Variants in KDM5C observed in about 807,000 individuals in gnomAD.
KDM5C encodes lysine-specific demethylase 5C.
Under a neutral mutation model 110.6 loss-of-function variants are expected in KDM5C, and 16 were observed. That is an observed-to-expected ratio of 0.14 (90% confidence interval 0.10 to 0.22). The LOEUF (loss-of-function observed/expected upper bound fraction) is 0.22. Among genes scored for constraint, KDM5C ranks in the 10% least tolerant of loss-of-function variants. The pLI is 1.00. For missense variants in KDM5C, 681 were observed against 1,300.9 expected (o/e 0.52, Z 7.33); for synonymous variants, 511 against 520.4 (o/e 0.98, Z 0.24).
At position 53,193,846 on chromosome X, in the gene KDM5C, C is replaced by T. The variant is rs781956195; in HGVS notation, c.4044G>A (p.Gln1348=). Reference sequence around the variant, plus strand: ...CACTGTCTCCATTCTCCAGTAAGCCCTGGACCTGCGGAGGAGAGCAAGAAT... The same window carrying T: ...CACTGTCTCCATTCTCCAGTAAGCCTTGGACCTGCGGAGGAGAGCAAGAAT... ...EGSGKDMPKV[Q]GLLENGDSVT... is the part of the protein sequence containing the mutation. The change falls in exon 24 of 26, where the codon CAG becomes CAA. Residue 1348 remains glutamine, a synonymous_variant. Transcript: ENST00000375401. 8.3e-7 allele frequency: 1 copy of T among 1,209,682 alleles called. No homozygotes were observed. The highest frequency in any genetic ancestry group is 2.3e-4 in the Middle Eastern group (1 of 4,350).
chrX:53,211,578 A>G lies in KDM5C; in HGVS notation c.1320T>C (p.Tyr440=), dbSNP rs2146919969. ...ATTCTTTGGAATGGATGTCAGCTCC[A>G]TACTCAACAGTCACATCTTCCTCAA... The part of the protein sequence containing the change: ...NSIEEDVTVE[Y]GADIHSKEFG... Residue 440 remains tyrosine, a synonymous_variant, in exon 10 of 26, where the codon TAT becomes TAC. Coordinates refer to ENST00000375401, the MANE Select transcript of KDM5C (RefSeq NM_004187.5). 1 of 1,211,530 alleles carries G rather than the reference A, an allele frequency of 8.3e-7. No homozygotes were observed. Among genetic ancestry groups the G allele is most frequent in the Non-Finnish European group, 1.1e-6 (1 of 895,174 alleles).
chrX:53,215,218 C>T, intron 7 of KDM5C: 1 of 371,728 alleles, frequency 2.7e-6, no homozygotes, highest in Non-Finnish European at 5.1e-6. Flanking sequence ...GAAGGAAGCA[C>T]TCAAAGCAGC....
At chrX:53,178,840 G>A (rs1933948890) in intron 25 of KDM5C, among the ~76,000 whole-genome samples, 1 of 112,444 alleles carries the variant, frequency 8.9e-6, no homozygotes, top group South Asian at 3.7e-4. Flanking sequence ...GGCTCATCCT[G>A]TAATCCCAGC....
chrX:53,217,357 T>C (rs1432506597), intron 4 of KDM5C, 80 bp from the exon 5 acceptor site: 1 of 1,127,910 alleles, frequency 8.9e-7, no homozygotes, highest in Non-Finnish European at 1.2e-6. Context: ...CCTCACCCAA[T>C]GGCATCCAAA....
At chrX:53,191,251 TCCAACTACTATGGGAC>T (rs1336600069), downstream of KDM5C, 2 of 170,569 alleles carry the variant, frequency 1.2e-5, no homozygotes, top group East Asian at 1.7e-4. Context: ...GAGAGATCTT[TCCAACTACTATGGGAC>T]CATTAATGGG....
chrX:53,208,805 C>T (rs868908135), intron 12 of KDM5C, among the ~76,000 whole-genome samples: 567 of 22,146 alleles, frequency 0.026, 6 homozygotes, highest in Middle Eastern at 0.062. Flanking sequence ...ACACCCGGCT[C>T]TTTTTTTTTT....
chrX:53,213,021 G>T (rs1378570436), intron 8 of KDM5C, among the ~76,000 whole-genome samples: 1 of 111,777 alleles, frequency 8.9e-6, no homozygotes, highest in African/African-American at 3.3e-5. Context: ...AAAGAAAAAA[G>T]AAAGATGGAA....
At position 53,210,273 on chromosome X, in the gene KDM5C, G is replaced by A. The variant is rs925748242; in HGVS notation, c.1746+141C>T. ...ATTATTTTGGGTCTCTACTAGACTA[G>A]TCAAACCCGTAGCCCAATTAAGAAC... On this transcript the variant is annotated intron_variant, in intron 12 of 25. Transcript: ENST00000375401. 24 of 781,363 alleles carry A rather than the reference G, an allele frequency of 3.1e-5. No individual in the cohort carries two copies. The Admixed American group carries it at 6.0e-4, about 20-fold the overall frequency. 64.4% of individuals were successfully genotyped at this position (781,363 alleles called of 1,213,427 possible).
intron 12 of KDM5C, among the ~76,000 whole-genome samples, chrX:53,204,815 A>G (rs782472281): frequency 8.9e-6 from 1 of 111,863 alleles, no homozygotes; most frequent in South Asian, 3.7e-4. Flanking sequence ...TCTTATACAG[A>G]CATGAACCAA....
rs1556834956 is a variant in KDM5C, at chrX:53,194,733, C to T, written c.3444G>A (p.Val1148=). 1 of 1,210,619 alleles carries T rather than the reference C, an allele frequency of 8.3e-7. No individual in the cohort carries two copies. The highest frequency in any genetic ancestry group is 1.1e-6 in the Non-Finnish European group (1 of 895,166). ...QDLRDPGSVI[V]AFKEGEQKEK... is the part of the protein sequence containing the mutation. ...CCTTCTGTTCCCCCTCCTTGAAGGC[C>T]ACGATCTGCCATACCCAGGACAGGA... The change falls in exon 23 of 26, where the codon GTG becomes GTA. Residue 1148 remains valine, a synonymous_variant. Coordinates refer to ENST00000375401, the MANE Select transcript of KDM5C (RefSeq NM_004187.5).
intron 1 of KDM5C, among the ~76,000 whole-genome samples, chrX:53,224,244 G>A (rs1556855901): frequency 8.9e-6 from 1 of 111,981 alleles, no homozygotes; most frequent in Admixed American, 9.4e-5. Context: ...CGGGCTCAGA[G>A]AGATTACTTC....
Position 53,193,475 on chromosome X carries a change from G to C in KDM5C, c.4279C>G (p.Gln1427Glu), listed in dbSNP as rs1934576715. 8.3e-7 allele frequency: 1 copy of C among 1,210,124 alleles called. No individual in the cohort carries two copies. Among genetic ancestry groups the C allele is most frequent in the African/African-American group, 1.7e-5 (1 of 57,171 alleles). ...CGGATCCTCTCCAGGTCTGGGGGCTGTCCAGCCTGCAGCAGCTGCCATATG... is the reference window on the plus strand; with the variant it reads ...CGGATCCTCTCCAGGTCTGGGGGCTCTCCAGCCTGCAGCAGCTGCCATATG... Reference protein sequence around the residue: ...HSIWQLLQAGQPPDLERIRTL... With the variant: ...HSIWQLLQAGEPPDLERIRTL... The change falls in exon 25 of 26, where the codon CAG (glutamine) becomes GAG (glutamate). Residue 1427 changes from glutamine to glutamate, a missense_variant. Physicochemically the swap from Gln to Glu is conservative, Grantham distance 29. Around this residue, in one of 14 missense-constraint regions of KDM5C, gnomAD observed 3 missense variants for 16.4 expected, o/e 0.18. Transcript: ENST00000375401.
At chrX:53,220,325 A>AC (rs1237776626) in intron 2 of KDM5C, among the ~76,000 whole-genome samples, 4 of 111,120 alleles carry the variant, frequency 3.6e-5, no homozygotes, top group Non-Finnish European at 7.6e-5. Context: ...TACCTGCCTG[A>AC]CCCCTGGCCA....
chrX:53,188,239 C>T (rs1363832767), downstream of KDM5C, among the ~76,000 whole-genome samples: 2 of 110,462 alleles, frequency 1.8e-5, no homozygotes, highest in Non-Finnish European at 3.8e-5. Flanking sequence ...CATGTGGAAG[C>T]AACATGAATC....
Position 53,194,542 on chromosome X carries a change from C to T in KDM5C, c.3635G>A (p.Arg1212Gln), listed in dbSNP as rs141544076. Reference sequence around the variant, plus strand: ...GAGGAGGCGAGGCACTGACACACACCGCCCATGGAACCAGTCCTGACACAG... The same window carrying T: ...GAGGAGGCGAGGCACTGACACACACTGCCCATGGAACCAGTCCTGACACAG... ...CDLCQDWFHG[R>Q]CVSVPRLLSS... Residue 1212 changes from arginine to glutamine, a missense_variant, in exon 23 of 26, where the codon CGG becomes CAG. Transcript: ENST00000375401. The T allele has an allele frequency of 9.9e-6, 12 of 1,211,415 alleles. No homozygotes were observed. Among genetic ancestry groups the T allele is most frequent in the Admixed American group, 4.3e-5 (2 of 46,069 alleles).
intron 14 of KDM5C, among the ~76,000 whole-genome samples, chrX:53,200,227 G>A (rs2073099205): frequency 9.0e-6 from 1 of 111,694 alleles, no homozygotes; most frequent in African/African-American, 3.3e-5. Flanking sequence ...GCCAAACTGA[G>A]TTAATTTTGA....
At position 53,212,328 on chromosome X, in the gene KDM5C, C is replaced by T. The variant is rs187859942; in HGVS notation, c.1123-422G>A. 8.7e-4 allele frequency: 143 copies of T among 164,021 alleles called. 1 individual carries two copies. Among genetic ancestry groups the T allele is most frequent in the African/African-American group, 3.1e-3 (84 of 27,046 alleles). The allele number at this position is 164,021 out of a possible 1,213,427, so 13.5% of individuals were successfully genotyped here. A position where few individuals can be genotyped will look rare whatever the true frequency, so the allele number is the denominator to read the frequency against. On this transcript the variant is annotated intron_variant, in intron 8 of 25. Transcript: ENST00000375401. ...ATTCTTTTTTTTTTTTTTTTTGAGA[C>T]GGAGTCTTGCTCTGTCACCCAGACT...
At chrX:53,199,508 C>T (rs782037146) in intron 14 of KDM5C, among the ~76,000 whole-genome samples, 15 of 111,900 alleles carry the variant, frequency 1.3e-4, no homozygotes, top group African/African-American at 4.9e-4. Context: ...GGCCAAGGGA[C>T]AGGCCTGGCT....
At chrX:53,188,068 A>G, downstream of KDM5C, among the ~76,000 whole-genome samples, 1 of 111,896 alleles carries the variant, frequency 8.9e-6, no homozygotes, top group Non-Finnish European at 1.9e-5. Context: ...CAAAAAAACA[A>G]TTGTCTCACA....
Sources: gnomAD v4.1 joint callset for allele counts (sites outside exome capture counted in the v4.1 genomes callset) on GRCh38, gnomAD v4.1.1 for gene constraint, gnomAD v4.1.1 regional missense constraint, MANE v1.5 for transcripts, NCBI Gene and HGNC (gene_info 2026-07-23, HGNC 2026-07-21) for gene names.